ZMIZ2: variants seen among roughly 807,000 people sequenced by gnomAD.
ZMIZ2 encodes zinc finger MIZ domain-containing protein 2.
Under a neutral mutation model 93.9 loss-of-function variants are expected in ZMIZ2, and 26 were observed. The ratio of observed to expected loss-of-function variants is 0.28; its 90% CI spans 0.20 to 0.38. The LOEUF (loss-of-function observed/expected upper bound fraction) is 0.38, where lower values mean the gene tolerates loss of function less well. ZMIZ2 is among the 10% of genes least tolerant of loss of function. The probability of loss-of-function intolerance (pLI) is 1.00; values close to 1 mark genes in which losing one functional copy is unlikely to be tolerated. For synonymous variants in ZMIZ2, 485 were observed against 516.4 expected (o/e 0.94, Z 0.82); for missense variants, 1,023 against 1,235.0 (o/e 0.83, Z 2.57).
rs1232723196 is a variant in ZMIZ2 at position 44,767,538 on chromosome 7, C to A, written c.2678C>A (p.Pro893His). Residue 893 changes from proline (P) to histidine (H), a missense_variant, in exon 19 of 19, where the codon CCT becomes CAT. Physicochemically the swap from Pro to His is moderately conservative, Grantham distance 77. Transcript: ENST00000309315. ...CAGCTGCTCCCGGAACTGACCAACC[C>A]TGATGAGCTACTGTCCTACTTGGGC... ...ALDLLPELTN[P>H]DELLSYLGPP... 1 of 1,614,144 alleles carries A rather than the reference C, an allele frequency of 6.2e-7. No homozygotes were observed. Among genetic ancestry groups the A allele is most frequent in the Admixed American group, 1.7e-5 (1 of 60,024 alleles).
At position 44,757,928 on chromosome 7, in the gene ZMIZ2, C is replaced by A. The variant is rs1195541600; in HGVS notation, c.633C>A (p.Asn211Lys). Residue 211 changes from asparagine to lysine, a missense_variant, in exon 6 of 19, where the codon AAC becomes AAA. Coordinates refer to ENST00000309315, the MANE Select transcript of ZMIZ2 (RefSeq NM_031449.4). ...PRGPSVPAGM[N>K]PTGIGGVMGP... is the part of the protein sequence containing the mutation. Reference sequence around the variant, plus strand: ...GGCCTAGTGTCCCCGCTGGCATGAACCCTACTGGCATAGGAGGGGTAATGG... The same window carrying A: ...GGCCTAGTGTCCCCGCTGGCATGAAACCTACTGGCATAGGAGGGGTAATGG... The A allele has an allele frequency of 3.1e-6, 5 of 1,611,806 alleles. No homozygotes were observed. In the Admixed American group the frequency reaches 6.7e-5, roughly 22 times the overall value.
chr7:44,765,373 G>C lies in ZMIZ2; in HGVS notation c.2036G>C (p.Ser679Thr). ...YEEITIDPTC[S>T]WKPVPVKPDM... is the part of the protein sequence containing the mutation. ...GAGATCACCATCGACCCCACGTGCA[G>C]CTGGAAGCCAGTGCCCGTGAAGCCT... The change falls in exon 16 of 19, where the codon AGC (serine) becomes ACC (threonine). Residue 679 changes from serine (S) to threonine (T), a missense_variant. Ser to Thr is a moderately conservative substitution (Grantham distance 58). Transcript: ENST00000309315. This position sits in a 1 kb window ranked among gnomAD's most constrained non-coding sequence, Gnocchi z 4.1. 1 of 1,613,556 alleles carries C rather than the reference G, an allele frequency of 6.2e-7. No homozygotes were observed. Among genetic ancestry groups the C allele is most frequent in the Non-Finnish European group, 8.5e-7 (1 of 1,180,022 alleles).
At chr7:44,764,317 A>G (rs1562744719) in intron 13 of ZMIZ2, 102 bp from the exon 14 acceptor site, 1 of 1,087,028 alleles carries the variant, frequency 9.2e-7, no homozygotes, top group Non-Finnish European at 1.4e-6. Flanking sequence ...TCAGTTATGC[A>G]TGTAAATAAG....
At chr7:44,762,775 C>A in intron 11 of ZMIZ2, 106 bp from the exon 12 acceptor site, 1 of 671,906 alleles carries the variant, frequency 1.5e-6, no homozygotes. Flanking sequence ...CCTTGTCCCT[C>A]CCCCACCTGG....
chr7:44,767,406 C>A, intron 18 of ZMIZ2, 110 bp from the exon 19 acceptor site: 1 of 946,526 alleles, frequency 1.1e-6, no homozygotes, highest in Non-Finnish European at 1.7e-6. Context: ...AGGGGCTGCT[C>A]AGCATCCCCA....
chr7:44,769,706 C>G lies in ZMIZ2; in HGVS notation c.*2083C>G, dbSNP rs1192709000. 1 of 152,432 alleles carries G rather than the reference C, an allele frequency of 6.6e-6. No individual in the cohort carries two copies. Among genetic ancestry groups the G allele is most frequent in the African/African-American group, 2.4e-5 (1 of 41,440 alleles). 9.4% of individuals were successfully genotyped at this position (152,432 alleles called of 1,614,324 possible). A position where few individuals can be genotyped will look rare whatever the true frequency, so the allele number is the denominator to read the frequency against. ...GGAGAAACTAGGAGACTGGGACAAG[C>G]AAAAGGCTGCAAACAACCCAGAAGC... On this transcript the variant is annotated 3_prime_UTR_variant, in exon 19 of 19. Coordinates refer to ENST00000309315, the MANE Select transcript of ZMIZ2 (RefSeq NM_031449.4).
chr7:44,762,731 C>G, intron 11 of ZMIZ2, 150 bp from the exon 12 acceptor site: 1 of 673,174 alleles, frequency 1.5e-6, no homozygotes. Context: ...GTTTTGTTGG[C>G]TGAATCCCCA....
Position 44,757,157 on chromosome 7 carries a change from A to G in ZMIZ2, c.368+8A>G. Reference sequence around the variant, plus strand: ...CCCCGGCTTCACCACCGGGTAAGCAAGTTCCCTCACCTGGCAGGTATGCTA... The same window carrying G: ...CCCCGGCTTCACCACCGGGTAAGCAGGTTCCCTCACCTGGCAGGTATGCTA... On this transcript the variant is annotated splice_region_variant and intron_variant, in intron 4 of 18. Coordinates refer to ENST00000309315, the MANE Select transcript of ZMIZ2 (RefSeq NM_031449.4). The G allele has an allele frequency of 6.3e-7, 1 of 1,593,800 alleles. No homozygotes were observed. The highest frequency in any genetic ancestry group is 8.5e-7 in the Non-Finnish European group (1 of 1,175,528).
intron 4 of ZMIZ2, 108 bp downstream of exon 4, chr7:44,757,257 G>C: frequency 6.6e-7 from 1 of 1,503,908 alleles, no homozygotes; most frequent in South Asian, 1.2e-5. Flanking sequence ...CTTCCTGACA[G>C]CTGTAGTGGA....
chr7:44,766,611 T>C lies in ZMIZ2; in HGVS notation c.2603T>C (p.Met868Thr). Residue 868 changes from methionine (M) to threonine (T), a missense_variant, in exon 18 of 19, where the codon ATG becomes ACG. Physicochemically the swap from Met to Thr is moderately conservative, Grantham distance 81. This residue lies in a region of ZMIZ2 where 319 missense variants were observed against 358.8 expected (regional missense o/e 0.89). Coordinates refer to ENST00000309315, the MANE Select transcript of ZMIZ2 (RefSeq NM_031449.4). This position sits in a 1 kb window ranked among gnomAD's most constrained non-coding sequence, Gnocchi z 4.4. ...GCCTTCAGTCCTGCCACAGGCGTGA[T>C]GGGGCCCCCCAGCATGTCTGGAGCC... Reference protein sequence around the residue: ...ELAFSPATGVMGPPSMSGAGE... With the variant: ...ELAFSPATGVTGPPSMSGAGE... 6.2e-7 allele frequency: 1 copy of C among 1,613,368 alleles called. No individual in the cohort carries two copies. Among genetic ancestry groups the C allele is most frequent in the South Asian group, 1.1e-5 (1 of 91,086 alleles).
chr7:44,763,450 G>A lies in ZMIZ2; in HGVS notation c.1860+37G>A. 6.2e-7 allele frequency: 1 copy of A among 1,610,496 alleles called. No individual in the cohort carries two copies. Among genetic ancestry groups the A allele is most frequent in the Non-Finnish European group, 8.5e-7 (1 of 1,177,524 alleles). On this transcript the variant is annotated intron_variant, in intron 13 of 18. Transcript: ENST00000309315. The surrounding 1 kb of genome is among the most constrained non-coding windows in gnomAD (Gnocchi z 5.6). ...CTGCAGAGTCTTGCCGGAATTTGCT[G>A]CTGCTAAAATATCTTGAGTCGATAC...
In ZMIZ2 at chr7:44,759,471, C is replaced by T; in HGVS notation, c.993+11C>T. ...GGACTGCATTATAAGGTAGGGCAGG[C>T]TCCTCCAGGCCCTGTGCCGGGCTCC... On this transcript the variant is annotated intron_variant, in intron 7 of 18. Transcript: ENST00000309315. The T allele has an allele frequency of 6.7e-7, 1 of 1,483,286 alleles. No individual in the cohort carries two copies. Among genetic ancestry groups the T allele is most frequent in the Non-Finnish European group, 9.0e-7 (1 of 1,113,972 alleles). The allele number at this position is 1,483,286 out of a possible 1,614,324, so 91.9% of individuals were successfully genotyped here. A position where few individuals can be genotyped will look rare whatever the true frequency, so the allele number is the denominator to read the frequency against.
chr7:44,754,947 G>A (rs558487509), intron 1 of ZMIZ2, among the ~76,000 whole-genome samples: 80 of 152,300 alleles, frequency 5.3e-4, no homozygotes, highest in African/African-American at 1.8e-3. Context: ...CCAGGGTAGT[G>A]CCAGTGAGGG....
intron 1 of ZMIZ2, among the ~76,000 whole-genome samples, chr7:44,751,643 T>C (rs1311283075): frequency 2.6e-5 from 4 of 152,248 alleles, no homozygotes; most frequent in African/African-American, 4.8e-5. Context: ...AGCAGTTGTA[T>C]TGTAATTAAA....
chr7:44,748,638 A>AG (rs1789830977), upstream of ZMIZ2: 1 of 151,402 alleles, frequency 6.6e-6, no homozygotes, highest in South Asian at 2.0e-4. Context: ...AAAGGTGTGG[A>AG]GGGGGCTGGG....
chr7:44,757,731 T>G, intron 5 of ZMIZ2, 117 bp from the exon 6 acceptor site: 1 of 1,032,906 alleles, frequency 9.7e-7, no homozygotes, highest in Non-Finnish European at 1.2e-6. Context: ...GAGAGGTTTC[T>G]GGGGTGTCCT....
chr7:44,749,191 CCACCTGCCGG>C (rs1329878042), intron 1 of ZMIZ2, among the ~76,000 whole-genome samples, 200 bp downstream of exon 1: 2 of 152,150 alleles, frequency 1.3e-5, no homozygotes, highest in Non-Finnish European at 2.9e-5. Context: ...GCTCTGCCGC[CCACCTGCCGG>C]CACCTGCCAC....
intron 14 of ZMIZ2, 102 bp downstream of exon 14, chr7:44,764,588 G>A: frequency 1.5e-6 from 2 of 1,342,602 alleles, no homozygotes; most frequent in Middle Eastern, 2.1e-4. Flanking sequence ...GAGCCTGCTG[G>A]GAGGAGTCAC....
Position 44,765,391 on chromosome 7 carries a change from T to C in ZMIZ2, c.2054T>C (p.Val685Ala), listed in dbSNP as rs746059081. ...ACGTGCAGCTGGAAGCCAGTGCCCG[T>C]GAAGCCTGACATGCACATCAAGGAG... is the stretch of plus-strand genomic sequence containing the variant. ...DPTCSWKPVPVKPDMHIKEEP... is the reference protein window; with the variant it reads ...DPTCSWKPVPAKPDMHIKEEP... Residue 685 changes from valine (V) to alanine (A), a missense_variant, in exon 16 of 19, where the codon GTG (valine) becomes GCG (alanine). This residue lies in a region of ZMIZ2 where 319 missense variants were observed against 358.8 expected (regional missense o/e 0.89). Transcript: ENST00000309315. The surrounding 1 kb of genome is among the most constrained non-coding windows in gnomAD (Gnocchi z 4.1). 2 of 1,613,264 alleles carry C rather than the reference T, an allele frequency of 1.2e-6. No homozygotes were observed. Among genetic ancestry groups the C allele is most frequent in the South Asian group, 2.2e-5 (2 of 91,076 alleles).
Sources: gnomAD v4.1 joint callset for allele counts (sites outside exome capture counted in the v4.1 genomes callset) on GRCh38, gnomAD v4.1.1 for gene constraint, gnomAD v4.1.1 regional missense constraint, Gnocchi (gnomAD v3.1) non-coding constraint, MANE v1.5 for transcripts, NCBI Gene and HGNC (gene_info 2026-07-23, HGNC 2026-07-21) for gene names.